SHPK: variants seen among roughly 807,000 people sequenced by gnomAD.
The protein encoded by SHPK is sedoheptulokinase.
SHPK carries 51 observed loss-of-function variants against 46.3 expected under a neutral mutation model. That is an observed-to-expected ratio of 1.10 (90% confidence interval 0.88 to 1.39). The LOEUF (loss-of-function observed/expected upper bound fraction) is 1.39, where lower values mean the gene tolerates loss of function less well. Among genes scored for constraint, SHPK ranks in the 40% most tolerant of loss-of-function variants. The pLI, the probability that SHPK is intolerant of heterozygous loss-of-function variation, is 0.00. For missense variants in SHPK, 668 were observed against 641.3 expected, an observed-to-expected ratio of 1.04 and a Z score of -0.45; for synonymous variants, 290 against 273.9, an observed-to-expected ratio of 1.06 and a Z score of -0.58.
intron 3 of SHPK, 46 bp downstream of exon 3, chr17:3,624,002 T>C: frequency 2.2e-5 from 34 of 1,550,954 alleles, no homozygotes; most frequent in Non-Finnish European, 3.0e-5. Context: ...CCTATTCTCA[T>C]TCTCCCGGAA....
At chr17:3,611,078 T>C (rs2075337014) in intron 6 of SHPK, 106 bp from the exon 7 acceptor site, 1 of 1,054,062 alleles carries the variant, frequency 9.5e-7, no homozygotes, top group Non-Finnish European at 1.4e-6. Context: ...TTGCTGCTTC[T>C]CCTCCCGCTG....
At chr17:3,619,411 G>C (rs188119123) in intron 5 of SHPK, 2 of 1,551,324 alleles carry the variant, frequency 1.3e-6, no homozygotes, top group African/African-American at 2.7e-5. Context: ...AGGGCAACTC[G>C]GGACATAAAG....
At chr17:3,614,119 G>A (rs188810449) in intron 6 of SHPK, among the ~76,000 whole-genome samples, 49 of 152,292 alleles carry the variant, frequency 3.2e-4, no homozygotes, top group African/African-American at 1.1e-3. Context: ...CACTGGAGAT[G>A]GGAAAACAAA....
Position 3,610,331 on chromosome 17 carries a change from C to T in SHPK, c.*229G>A, listed in dbSNP as rs1028986619. The T allele has an allele frequency of 5.8e-5, 31 of 538,488 alleles. No individual in the cohort carries two copies. Among genetic ancestry groups the T allele is most frequent in the African/African-American group, 4.9e-4 (26 of 53,092 alleles). 33.4% of individuals were successfully genotyped at this position (538,488 alleles called of 1,614,324 possible). ...CACATGGACATTTGTAAATAGCTCC[C>T]AGGTGGGTCAATTTCGGAAGGCACT... On this transcript the variant is annotated 3_prime_UTR_variant, in exon 7 of 7. Transcript: ENST00000225519.
intron 1 of SHPK, among the ~76,000 whole-genome samples, chr17:3,633,960 G>A (rs1225986893): frequency 1.3e-5 from 2 of 150,360 alleles, no homozygotes; most frequent in African/African-American, 4.9e-5. Context: ...GTTGATCTGT[G>A]ACCTTACCCC....
intron 2 of SHPK, among the ~76,000 whole-genome samples, chr17:3,625,834 C>G (rs948477673): frequency 2.0e-5 from 3 of 152,204 alleles, no homozygotes; most frequent in African/African-American, 7.2e-5. Flanking sequence ...GGGCGGATCA[C>G]CTGAGGTGAG....
chr17:3,610,699 G>A lies in SHPK; in HGVS notation c.1298C>T (p.Ala433Val), dbSNP rs762096736. 8.1e-6 allele frequency: 13 copies of A among 1,613,942 alleles called. No individual in the cohort carries two copies. Among genetic ancestry groups the A allele is most frequent in the South Asian group, 2.2e-5 (2 of 91,076 alleles). The change falls in exon 7 of 7, where the codon GCG (alanine) becomes GTG (valine). Residue 433 changes from alanine to valine, a missense_variant. By Grantham distance (64) the Ala-to-Val change is moderately conservative. Coordinates refer to ENST00000225519, the MANE Select transcript of SHPK (RefSeq NM_013276.4). Reference protein sequence around the residue: ...GVERVMGSGSALSRNDVLKQE... With the variant: ...GVERVMGSGSVLSRNDVLKQE... ...CTTCAGCACGTCATTCCTGGACAGC[G>A]CACTCCCACTGCCCATCACCCTCTC...
At chr17:3,628,301 G>T (rs976355990) in intron 2 of SHPK, among the ~76,000 whole-genome samples, 6 of 151,276 alleles carry the variant, frequency 4.0e-5, no homozygotes, top group Non-Finnish European at 7.4e-5. Flanking sequence ...ATTTTTGTTT[G>T]TCTAAATTAA....
At chr17:3,618,264 C>A (rs1264856327) in intron 5 of SHPK, among the ~76,000 whole-genome samples, 5 of 152,000 alleles carry the variant, frequency 3.3e-5, no homozygotes, top group Non-Finnish European at 7.4e-5. Flanking sequence ...CACCACCACA[C>A]CTGGCTAATT....
At chr17:3,625,541 C>G (rs1442184082) in intron 2 of SHPK, among the ~76,000 whole-genome samples, 1 of 152,284 alleles carries the variant, frequency 6.6e-6, no homozygotes, top group African/African-American at 2.4e-5. Context: ...AGCCTTCCCA[C>G]CAAGGTACCA....
Position 3,630,222 on chromosome 17 carries a change from AAC to A in SHPK, c.291_292del (p.Phe98LeufsTer8). On this transcript the variant is annotated frameshift_variant, in exon 2 of 7. Transcript: ENST00000225519. LOFTEE classifies it high-confidence loss of function. The stretch of plus-strand genomic sequence containing the variant: ...CAGCATACCTTGGCCTGTTTTCCAA[AAC>A]ACGACTCCATGCATCTGGCCCGACA... 6.2e-7 allele frequency: 1 copy of A among 1,613,768 alleles called. No individual in the cohort carries two copies. The highest frequency in any genetic ancestry group is 2.2e-5 in the East Asian group (1 of 44,864).
At chr17:3,627,500 G>T (rs1194531786) in intron 2 of SHPK, among the ~76,000 whole-genome samples, 1 of 152,098 alleles carries the variant, frequency 6.6e-6, no homozygotes, top group Non-Finnish European at 1.5e-5. Context: ...TTTATAGGTT[G>T]TAGGTAGGAA....
chr17:3,623,536 C>A, intron 3 of SHPK, 45 bp from the exon 4 acceptor site: 1 of 1,602,414 alleles, frequency 6.2e-7, no homozygotes. Flanking sequence ...AACATGAACT[C>A]GGAAGCATGT....
At chr17:3,624,606 A>G (rs748590990) in intron 2 of SHPK, among the ~76,000 whole-genome samples, 1 of 151,556 alleles carries the variant, frequency 6.6e-6, no homozygotes, top group East Asian at 1.9e-4. Flanking sequence ...TTACCAGTAA[A>G]TTTTCTCTTT....
chr17:3,635,578 C>T (rs912467954), intron 1 of SHPK, among the ~76,000 whole-genome samples: 3 of 152,208 alleles, frequency 2.0e-5, no homozygotes, highest in Middle Eastern at 3.4e-3. Flanking sequence ...GTGGAATGAG[C>T]CAGGAGCCAG....
At chr17:3,619,477 G>T in intron 5 of SHPK, 1 of 1,004,278 alleles carries the variant, frequency 1.0e-6, no homozygotes, top group Non-Finnish European at 1.5e-6. Context: ...GCTCACACCT[G>T]TAATCCCAGC....
rs779909294 is a variant in SHPK at position 3,610,596 on chromosome 17, G to T, written c.1401C>A (p.Val467=). 6.2e-7 allele frequency: 1 copy of T among 1,612,272 alleles called. No individual in the cohort carries two copies. Among genetic ancestry groups the T allele is most frequent in the Middle Eastern group, 1.7e-4 (1 of 6,050 alleles). Residue 467 remains valine, a synonymous_variant, in exon 7 of 7, where the codon GTC becomes GTA. Coordinates refer to ENST00000225519, the MANE Select transcript of SHPK (RefSeq NM_013276.4). ...TCTGGTTGAGGTGTCTCCGGAGCAT[G>T]ACCAGAGCTGCCCCGACAGCTGCAT... ...DVDAAVGAAL[V]MLRRHLNQKE...
Position 3,610,937 on chromosome 17 carries a change from T to C in SHPK, c.1060A>G (p.Met354Val). Reference protein sequence around the residue: ...EVEESTVYSRMIQAAVQQRDT... With the variant: ...EVEESTVYSRVIQAAVQQRDT... ...CTCTGCTGCACAGCTGCCTGAATCA[T>C]GCGTGAATACACAGTGGATTCTTCA... Residue 354 changes from methionine to valine, a missense_variant, in exon 7 of 7, where the codon ATG becomes GTG. Coordinates refer to ENST00000225519, the MANE Select transcript of SHPK (RefSeq NM_013276.4). 1.2e-6 allele frequency: 2 copies of C among 1,613,312 alleles called. No homozygotes were observed. The highest frequency in any genetic ancestry group is 1.7e-6 in the Non-Finnish European group (2 of 1,179,490).
At chr17:3,624,374 G>T (rs2075420727) in intron 2 of SHPK, 143 bp from the exon 3 acceptor site, 5 of 745,940 alleles carry the variant, frequency 6.7e-6, no homozygotes, top group African/African-American at 3.6e-5. Context: ...GGTCCTGATA[G>T]CACTGGCTTT....
Sources: gnomAD v4.1 joint callset for allele counts (sites outside exome capture counted in the v4.1 genomes callset) on GRCh38, gnomAD v4.1.1 for gene constraint, MANE v1.5 for transcripts, NCBI Gene and HGNC (gene_info 2026-07-23, HGNC 2026-07-21) for gene names.